The following TMEM108 variants were observed in gnomAD, a reference collection of about 807,000 sequenced individuals.
TMEM108 encodes the protein cancer/testis antigen 124.
A neutral mutation model predicts 35.1 loss-of-function variants in TMEM108; 12 were observed. The ratio of observed to expected loss-of-function variants is 0.34; its 90% confidence interval spans 0.22 to 0.55. The LOEUF (loss-of-function observed/expected upper bound fraction) is 0.55, where lower values mean the gene tolerates loss of function less well. TMEM108 is among the 20% of genes least tolerant of loss of function. TMEM108 has a pLI of 0.89. For missense variants in TMEM108, 680 were observed against 753.3 expected, an observed-to-expected ratio of 0.90 and a Z score of 1.14; for synonymous variants, 287 against 308.6, an observed-to-expected ratio of 0.93 and a Z score of 0.73.
rs142267783 is a variant in TMEM108 at position 133,366,928 on chromosome 3, G to T, written c.41-12824G>T. 3.3e-5 allele frequency among the ~76,000 whole-genome samples: 5 copies of T among 152,300 alleles called. No homozygotes were observed. In the East Asian group the frequency reaches 7.7e-4, roughly 23 times the overall value. ...AATGAGACATCAGGTTTATTGAGGGGACTCACATACAGAGGAGTCCAGTGG... is the reference window on the plus strand; with the variant it reads ...AATGAGACATCAGGTTTATTGAGGGTACTCACATACAGAGGAGTCCAGTGG... On this transcript the variant is annotated intron_variant, in intron 3 of 5. Transcript: ENST00000321871.
intron 2 of TMEM108, among the ~76,000 whole-genome samples, chr3:133,091,794 C>T (rs532994849): frequency 9.9e-5 from 15 of 152,144 alleles, no homozygotes; most frequent in Admixed American, 2.0e-4. Flanking sequence ...TTTGATTAGG[C>T]TTTGACTAAA....
At chr3:133,385,467 C>T (rs1307711693) in intron 4 of TMEM108, among the ~76,000 whole-genome samples, 2 of 152,164 alleles carry the variant, frequency 1.3e-5, no homozygotes, top group African/African-American at 2.4e-5. Context: ...GGGTCAGACA[C>T]TAAGCCCCCC....
intron 2 of TMEM108, 132 bp downstream of exon 2, chr3:133,046,152 A>T (rs1466076839): frequency 6.6e-6 from 1 of 152,646 alleles, no homozygotes; most frequent in African/African-American, 2.4e-5. Flanking sequence ...GCCTTTATTG[A>T]TTCAACTCAT....
chr3:133,171,321 T>C (rs75675546), intron 2 of TMEM108, among the ~76,000 whole-genome samples: 89 of 152,322 alleles, frequency 5.8e-4, no homozygotes, highest in African/African-American at 1.9e-3. Context: ...TAGTATATAA[T>C]TTTAAAATTA....
At chr3:133,193,775 A>C (rs1337490857) in intron 2 of TMEM108, among the ~76,000 whole-genome samples, 1 of 152,102 alleles carries the variant, frequency 6.6e-6, no homozygotes, top group Non-Finnish European at 1.5e-5. Flanking sequence ...GAATAAGGAG[A>C]TGGGCATTTT....
chr3:133,132,153 TG>T (rs904315479), intron 2 of TMEM108, among the ~76,000 whole-genome samples: 13 of 152,222 alleles, frequency 8.5e-5, no homozygotes, highest in Non-Finnish European at 2.9e-5. Flanking sequence ...ATGGAGAAGC[TG>T]CAGCAAGTTA....
At chr3:133,059,183 C>T (rs6802908) in intron 2 of TMEM108, among the ~76,000 whole-genome samples, 16,507 of 152,212 alleles carry the variant, frequency 0.11, 922 homozygotes, top group East Asian at 0.15. Context: ...CTCTCAAAGA[C>T]GCTACCTCCT....
chr3:133,266,247 C>T (rs889372300), intron 3 of TMEM108, among the ~76,000 whole-genome samples: 4 of 152,088 alleles, frequency 2.6e-5, no homozygotes, highest in East Asian at 3.8e-4. Flanking sequence ...TTATAAACCA[C>T]CTATCTCCCT....
At chr3:133,373,916 T>G (rs2072754575) in intron 3 of TMEM108, among the ~76,000 whole-genome samples, 1 of 152,230 alleles carries the variant, frequency 6.6e-6, no homozygotes, top group Non-Finnish European at 1.5e-5. Flanking sequence ...CTTGGGTGAT[T>G]GCAGTCCAGC....
chr3:133,239,438 T>A (rs1038260045), intron 3 of TMEM108, among the ~76,000 whole-genome samples: 2 of 152,234 alleles, frequency 1.3e-5, no homozygotes, highest in Non-Finnish European at 2.9e-5. Context: ...GAACTTTTTT[T>A]AATAAATCCA....
intron 5 of TMEM108, among the ~76,000 whole-genome samples, chr3:133,395,542 A>C (rs2073292837): frequency 6.6e-6 from 1 of 152,238 alleles, no homozygotes; most frequent in African/African-American, 2.4e-5. Flanking sequence ...AAGTCCCCTC[A>C]GACTTTGACA....
chr3:133,053,825 C>T (rs1943433962), intron 2 of TMEM108, among the ~76,000 whole-genome samples: 1 of 152,158 alleles, frequency 6.6e-6, no homozygotes, highest in Admixed American at 6.5e-5. Context: ...TCTCTTGTTC[C>T]TCATGTTCTT....
intron 2 of TMEM108, among the ~76,000 whole-genome samples, chr3:133,060,079 CCTTT>C (rs1319297449): frequency 9.8e-5 from 15 of 152,314 alleles, no homozygotes; most frequent in Admixed American, 9.1e-4. Context: ...TTCTCTCCTT[CCTTT>C]CTTCATCCCT....
At chr3:133,302,219 G>T (rs6792283) in intron 3 of TMEM108, among the ~76,000 whole-genome samples, 2,698 of 152,182 alleles carry the variant, frequency 0.018, 79 homozygotes, top group African/African-American at 0.06. Flanking sequence ...TCATTTTCTT[G>T]TTAAAACCCA....
chr3:133,312,111 C>A (rs2107712261), intron 3 of TMEM108, among the ~76,000 whole-genome samples: 1 of 152,344 alleles, frequency 6.6e-6, no homozygotes, highest in African/African-American at 2.4e-5. Context: ...AAGCTTCATC[C>A]CAGAGGGGTG....
At chr3:133,163,444 A>T (rs1183420244) in intron 2 of TMEM108, among the ~76,000 whole-genome samples, 1 of 152,172 alleles carries the variant, frequency 6.6e-6, no homozygotes, top group Non-Finnish European at 1.5e-5. Context: ...AATAGTCCTT[A>T]TATACCATAG....
chr3:133,226,183 G>T (rs1195376437), intron 2 of TMEM108, among the ~76,000 whole-genome samples: 2 of 152,150 alleles, frequency 1.3e-5, no homozygotes, highest in African/African-American at 4.8e-5. Flanking sequence ...TAAGATAATT[G>T]GTGGTGGAAA....
chr3:133,098,366 T>C (rs938662464), intron 2 of TMEM108, among the ~76,000 whole-genome samples: 1 of 152,136 alleles, frequency 6.6e-6, no homozygotes, highest in African/African-American at 2.4e-5. Flanking sequence ...CCACAACACA[T>C]GGGAATTCTG....
intron 3 of TMEM108, among the ~76,000 whole-genome samples, chr3:133,245,315 C>T (rs961037182): frequency 6.6e-6 from 1 of 152,192 alleles, no homozygotes; most frequent in African/African-American, 2.4e-5. Context: ...TCCCTCTGCA[C>T]AGCAGTACTC....
Sources: gnomAD v4.1 joint callset for allele counts (sites outside exome capture counted in the v4.1 genomes callset) on GRCh38, gnomAD v4.1.1 for gene constraint, MANE v1.5 for transcripts, NCBI Gene and HGNC (gene_info 2026-07-23, HGNC 2026-07-21) for gene names.